DNAH5: variants seen among roughly 807,000 people sequenced by gnomAD.
DNAH5 encodes the protein dynein axonemal heavy chain 5, also known as axonemal beta dynein heavy chain 5.
In DNAH5, 372 loss-of-function variants were observed where a neutral mutation model predicts 518.2. The observed-to-expected ratio is 0.72, with a 90% CI of 0.66 to 0.78. DNAH5 has a LOEUF of 0.78. Among genes scored for constraint, DNAH5 ranks in the 30% least tolerant of loss-of-function variants. The pLI is 0.00. For synonymous variants in DNAH5, 2,039 were observed against 2,025.9 expected, an observed-to-expected ratio of 1.01 and a Z score of -0.17; for missense variants, 5,523 against 5,687.0, an observed-to-expected ratio of 0.97 and a Z score of 0.93.
At chr5:13,810,426 G>T in intron 44 of DNAH5, 166 bp from the exon 45 acceptor site, 1 of 699,204 alleles carries the variant, frequency 1.4e-6, no homozygotes. Flanking sequence ...TGATCTCTGA[G>T]AATAGCAAGC....
At position 13,811,573 on chromosome 5, in the gene DNAH5, G is replaced by A. The variant is rs150690574; in HGVS notation, c.7407+74C>T. On this transcript the variant is annotated intron_variant, in intron 44 of 78. Transcript: ENST00000265104. ...ATAGCATGGCTACATTAATAAGAGA[G>A]AAAATATAGTACTCTCTGTGCAGCA... is the stretch of plus-strand genomic sequence containing the variant. The A allele has an allele frequency of 1.7e-4, 250 of 1,435,136 alleles. No individual in the cohort carries two copies. In the African/African-American group the frequency reaches 2.9e-3, roughly 17 times the overall value. 88.9% of individuals were successfully genotyped at this position (1,435,136 alleles called of 1,614,324 possible). A position where few individuals can be genotyped will look rare whatever the true frequency, so the allele number is the denominator to read the frequency against.
At chr5:13,694,121 T>A (rs1385286836) in intron 78 of DNAH5, among the ~76,000 whole-genome samples, 3 of 152,192 alleles carry the variant, frequency 2.0e-5, no homozygotes, top group Non-Finnish European at 4.4e-5. Context: ...GTGCCTTACA[T>A]CTGAATCTCC....
intron 65 of DNAH5, among the ~76,000 whole-genome samples, chr5:13,741,901 T>A (rs1402939333): frequency 6.6e-6 from 1 of 152,168 alleles, no homozygotes; most frequent in African/African-American, 2.4e-5. Flanking sequence ...ACAAAATGTA[T>A]GTAAAAACTG....
chr5:13,741,338 A>G (rs1178317067), intron 65 of DNAH5, among the ~76,000 whole-genome samples: 1 of 152,212 alleles, frequency 6.6e-6, no homozygotes, highest in Non-Finnish European at 1.5e-5. Flanking sequence ...GAAAGGAAGA[A>G]TTCCCTCTTT....
chr5:13,966,730 G>C (rs1352953901), intron 1 of DNAH5, among the ~76,000 whole-genome samples: 1 of 152,154 alleles, frequency 6.6e-6, no homozygotes, highest in Admixed American at 6.6e-5. Flanking sequence ...TTGCCGATTT[G>C]TTCGAGTTCC....
intron 29 of DNAH5, among the ~76,000 whole-genome samples, chr5:13,861,712 T>G (rs1768438530): frequency 6.6e-6 from 1 of 152,126 alleles, no homozygotes; most frequent in South Asian, 2.1e-4. Context: ...ATGCCAGCAT[T>G]TTGGGAGGCC....
At position 13,906,332 on chromosome 5, in the gene DNAH5, G is replaced by T. The variant is rs1382376288; in HGVS notation, c.1645-4194C>A. On this transcript the variant is annotated intron_variant, in intron 12 of 78. Coordinates refer to ENST00000265104, the MANE Select transcript of DNAH5 (RefSeq NM_001369.3). Reference sequence around the variant, plus strand: ...CACCCTATCAGGGGATGTTCATAATGGGGGAGGCTATGCATTCTGGGGGAG... The same window carrying T: ...CACCCTATCAGGGGATGTTCATAATTGGGGAGGCTATGCATTCTGGGGGAG... Among the ~76,000 whole-genome samples the T allele has an allele frequency of 3.3e-5, 5 of 152,110 alleles. No homozygotes were observed. The East Asian group carries it at 9.6e-4, about 29-fold the overall frequency.
intron 21 of DNAH5, among the ~76,000 whole-genome samples, chr5:13,878,126 G>A (rs895669345): frequency 1.3e-5 from 2 of 152,210 alleles, no homozygotes; most frequent in Non-Finnish European, 2.9e-5. Context: ...TATCCCCCAG[G>A]AGCAGTGCAG....
chr5:13,720,924 T>C, intron 71 of DNAH5, 76 bp downstream of exon 71: 2 of 1,594,748 alleles, frequency 1.3e-6, no homozygotes, highest in Admixed American at 1.7e-5. Flanking sequence ...TAATGATTTA[T>C]ATTTTTCTTC....
chr5:13,879,300 C>T (rs1309311022), intron 21 of DNAH5, among the ~76,000 whole-genome samples: 2 of 152,148 alleles, frequency 1.3e-5, no homozygotes, highest in East Asian at 3.9e-4. Context: ...AATACAGATG[C>T]TCCTTGACCT....
chr5:13,794,113 C>G, intron 47 of DNAH5, 55 bp from the exon 48 acceptor site: 1 of 1,610,924 alleles, frequency 6.2e-7, no homozygotes, highest in Non-Finnish European at 8.5e-7. Flanking sequence ...AAAACCTGGT[C>G]AATTATTTTA....
chr5:13,757,988 G>T (rs1751241020), intron 61 of DNAH5, among the ~76,000 whole-genome samples: 1 of 151,664 alleles, frequency 6.6e-6, no homozygotes, highest in African/African-American at 2.4e-5. Flanking sequence ...AGTGAATCTA[G>T]CTATTATTTA....
intron 23 of DNAH5, among the ~76,000 whole-genome samples, 170 bp downstream of exon 23, chr5:13,871,394 A>G (rs1471718878): frequency 6.6e-6 from 1 of 152,168 alleles, no homozygotes; most frequent in Non-Finnish European, 1.5e-5. Context: ...GTCCAGAATC[A>G]ATAATTATGC....
intron 65 of DNAH5, among the ~76,000 whole-genome samples, chr5:13,749,731 C>T (rs546451017): frequency 1.3e-5 from 2 of 152,304 alleles, no homozygotes; most frequent in East Asian, 3.9e-4. Flanking sequence ...AGAGGTGGCC[C>T]AAAAGACCCT....
At chr5:13,728,452 A>C (rs777405869) in intron 69 of DNAH5, among the ~76,000 whole-genome samples, 9 of 152,222 alleles carry the variant, frequency 5.9e-5, no homozygotes, top group Non-Finnish European at 1.2e-4. Context: ...AAGAATAAAA[A>C]TAATAACTTC....
chr5:13,963,137 C>G (rs756506648), intron 1 of DNAH5, among the ~76,000 whole-genome samples: 21 of 152,228 alleles, frequency 1.4e-4, no homozygotes, highest in Non-Finnish European at 2.4e-4. Context: ...TCATAAAAAG[C>G]CATATTTGCT....
At chr5:13,837,011 G>A (rs1764482399) in intron 35 of DNAH5, among the ~76,000 whole-genome samples, 1 of 152,200 alleles carries the variant, frequency 6.6e-6, no homozygotes, top group Non-Finnish European at 1.5e-5. Flanking sequence ...CTAAGACAAT[G>A]GGGACCTGGG....
intron 1 of DNAH5, among the ~76,000 whole-genome samples, chr5:14,010,611 A>G (rs555419379): frequency 6.6e-6 from 1 of 152,336 alleles, no homozygotes; most frequent in Admixed American, 6.5e-5. Context: ...GCTAACGAGT[A>G]TGTCTTCAAT....
chr5:13,859,327 A>C (rs2151899409), intron 30 of DNAH5, 125 bp downstream of exon 30: 1 of 1,015,532 alleles, frequency 9.8e-7, no homozygotes, highest in Non-Finnish European at 1.5e-6. Context: ...ATTAACAGTG[A>C]CAACAAAAAG....
Sources: gnomAD v4.1 joint callset for allele counts (sites outside exome capture counted in the v4.1 genomes callset) on GRCh38, gnomAD v4.1.1 for gene constraint, MANE v1.5 for transcripts, NCBI Gene and HGNC (gene_info 2026-07-23, HGNC 2026-07-21) for gene names.